The following CWC27 variants were observed in gnomAD, a reference collection of about 807,000 sequenced individuals.
CWC27 encodes the protein spliceosome-associated protein CWC27 homolog.
Under a neutral mutation model 63.6 loss-of-function variants are expected in CWC27, and 47 were observed. That is an observed-to-expected ratio of 0.74 (90% CI 0.58 to 0.94). The LOEUF (loss-of-function observed/expected upper bound fraction) is 0.94, where lower values mean the gene tolerates loss of function less well. Among genes scored for constraint, CWC27 ranks in the 40% least tolerant of loss-of-function variants. The probability of loss-of-function intolerance (pLI) is 0.00; values close to 1 mark genes in which losing one functional copy is unlikely to be tolerated. For missense variants in CWC27, 495 were observed against 554.3 expected (o/e 0.89, Z 1.07); for synonymous variants, 175 against 179.8 (o/e 0.97, Z 0.22).
intron 10 of CWC27, among the ~76,000 whole-genome samples, chr5:64,845,799 G>A (rs1244806063): frequency 1.3e-5 from 2 of 152,082 alleles, no homozygotes; most frequent in Non-Finnish European, 2.9e-5. Context: ...AAGAGAAAAA[G>A]GGTCACAAAG....
chr5:64,986,818 G>A (rs1158639471), intron 13 of CWC27, among the ~76,000 whole-genome samples: 3 of 152,116 alleles, frequency 2.0e-5, no homozygotes, highest in African/African-American at 7.2e-5. Context: ...TTCCAGGTAA[G>A]CTGATCTGGA....
At chr5:64,874,548 C>G (rs1746751447) in intron 10 of CWC27, among the ~76,000 whole-genome samples, 1 of 151,924 alleles carries the variant, frequency 6.6e-6, no homozygotes, top group Non-Finnish European at 1.5e-5. Flanking sequence ...TTCATTGCAA[C>G]CTTCACCTCC....
intron 11 of CWC27, among the ~76,000 whole-genome samples, chr5:64,889,481 T>A (rs1440358654): frequency 6.6e-6 from 1 of 152,216 alleles, no homozygotes; most frequent in African/African-American, 2.4e-5. Flanking sequence ...TGACCCAATT[T>A]TGGGTGAAGC....
At chr5:64,867,615 C>T (rs906093212) in intron 10 of CWC27, among the ~76,000 whole-genome samples, 3 of 152,002 alleles carry the variant, frequency 2.0e-5, no homozygotes, top group Non-Finnish European at 4.4e-5. Flanking sequence ...TAGGACAAGC[C>T]TCCTGTGAGT....
intron 11 of CWC27, among the ~76,000 whole-genome samples, chr5:64,968,563 T>A (rs943968119): frequency 1.3e-5 from 2 of 152,160 alleles, no homozygotes; most frequent in African/African-American, 4.8e-5. Flanking sequence ...ATCTCAACAA[T>A]AGTTGCTCAC....
chr5:65,004,946 G>A (rs1749815859), intron 13 of CWC27, among the ~76,000 whole-genome samples: 1 of 139,520 alleles, frequency 7.2e-6, no homozygotes, highest in Admixed American at 7.2e-5. Flanking sequence ...TGTTGGTTGG[G>A]TAGGGTGCTT....
chr5:64,903,309 A>G (rs1050054492), intron 11 of CWC27, among the ~76,000 whole-genome samples: 1 of 152,218 alleles, frequency 6.6e-6, no homozygotes, highest in Non-Finnish European at 1.5e-5. Context: ...GATAAAGTAA[A>G]TGTGGCACAT....
At chr5:64,811,950 T>C (rs1744889838) in intron 10 of CWC27, among the ~76,000 whole-genome samples, 1 of 152,030 alleles carries the variant, frequency 6.6e-6, no homozygotes, top group Admixed American at 6.6e-5. Flanking sequence ...GTTTGAAATA[T>C]ATGATTAGGA....
intron 13 of CWC27, among the ~76,000 whole-genome samples, chr5:64,992,107 G>C (rs535338274): frequency 9.9e-5 from 15 of 152,218 alleles, no homozygotes; most frequent in African/African-American, 3.6e-4. Context: ...ATTTGTATGT[G>C]CTATATTTCA....
intron 11 of CWC27, among the ~76,000 whole-genome samples, chr5:64,910,189 C>T (rs1250231300): frequency 6.6e-6 from 1 of 152,230 alleles, no homozygotes; most frequent in Non-Finnish European, 1.5e-5. Context: ...TCAGGTCCCT[C>T]AGCTGCAGGT....
intron 11 of CWC27, among the ~76,000 whole-genome samples, chr5:64,950,763 T>C (rs1748689528): frequency 6.6e-6 from 1 of 151,902 alleles, no homozygotes; most frequent in Non-Finnish European, 1.5e-5. Context: ...CCCTCAAAAG[T>C]TCCCATAAAT....
intron 10 of CWC27, among the ~76,000 whole-genome samples, chr5:64,856,757 C>T (rs1194414170): frequency 1.3e-5 from 2 of 152,070 alleles, no homozygotes; most frequent in Non-Finnish European, 2.9e-5. Context: ...TATTTGGAAG[C>T]AGTAGAAATT....
intron 2 of CWC27, among the ~76,000 whole-genome samples, chr5:64,780,709 A>ACACACG (rs71767120): frequency 6.6e-6 from 1 of 150,852 alleles, no homozygotes; most frequent in African/African-American, 2.4e-5. Flanking sequence ...GCACACACAC[A>ACACACG]CACACACACC....
chr5:64,951,967 C>T (rs1266654933), intron 11 of CWC27, among the ~76,000 whole-genome samples: 1 of 151,756 alleles, frequency 6.6e-6, no homozygotes, highest in African/African-American at 2.4e-5. Flanking sequence ...ATGTTGTGTA[C>T]TATATATAAC....
At chr5:65,000,048 A>G (rs1158270039) in intron 13 of CWC27, among the ~76,000 whole-genome samples, 1 of 152,026 alleles carries the variant, frequency 6.6e-6, no homozygotes, top group Non-Finnish European at 1.5e-5. Context: ...GTGAGATGAG[A>G]TCTCACTGTG....
At chr5:64,994,717 C>G (rs1749599749) in intron 13 of CWC27, among the ~76,000 whole-genome samples, 1 of 152,100 alleles carries the variant, frequency 6.6e-6, no homozygotes, top group Non-Finnish European at 1.5e-5. Flanking sequence ...AAAATTATTA[C>G]TAGGTTGCAC....
chr5:64,879,371 A>G (rs892595713), intron 10 of CWC27, among the ~76,000 whole-genome samples: 5 of 151,958 alleles, frequency 3.3e-5, no homozygotes, highest in Non-Finnish European at 7.4e-5. Context: ...TCTTGATTTT[A>G]TATGTTGGGT....
intron 11 of CWC27, among the ~76,000 whole-genome samples, chr5:64,957,166 A>C (rs1338345181): frequency 3.9e-5 from 6 of 152,204 alleles, no homozygotes; most frequent in Non-Finnish European, 8.8e-5. Flanking sequence ...ACCCTCCTTT[A>C]AGTACTGTTA....
At position 64,935,401 on chromosome 5, in the gene CWC27, T is replaced by A. The variant is rs10471643; in HGVS notation, c.1043-36302T>A. Among the ~76,000 whole-genome samples the A allele has an allele frequency of 6.0e-3, 920 of 152,316 alleles. 12 individuals carry two copies. The highest frequency in any genetic ancestry group is 0.021 in the African/African-American group (892 of 41,574). The stretch of plus-strand genomic sequence containing the variant: ...TTGTTTTCATCAGGTTTATCAAAAA[T>A]CAGATGGTTGTAGATGTGTGACATT... On this transcript the variant is annotated intron_variant, in intron 11 of 13. Coordinates refer to ENST00000381070, the MANE Select transcript of CWC27 (RefSeq NM_005869.4).
Sources: gnomAD v4.1 joint callset for allele counts (sites outside exome capture counted in the v4.1 genomes callset) on GRCh38, gnomAD v4.1.1 for gene constraint, MANE v1.5 for transcripts, NCBI Gene and HGNC (gene_info 2026-07-23, HGNC 2026-07-21) for gene names.